LRRC4C: variants seen among roughly 807,000 people sequenced by gnomAD.
LRRC4C encodes leucine rich repeat containing 4C.
Under a neutral mutation model 33.6 loss-of-function variants are expected in LRRC4C, and 5 were observed. That is an observed-to-expected ratio of 0.15 (90% CI 0.08 to 0.31). LRRC4C has a LOEUF of 0.31. Ranked by LOEUF, LRRC4C falls within the 10% of genes least tolerant of loss-of-function variation. The pLI is 1.00. For missense variants in LRRC4C, 560 were observed against 796.7 expected (o/e 0.70, Z 3.58); for synonymous variants, 329 against 302.0 (o/e 1.09, Z -0.93).
chr11:40,760,798 TATACACAC>T (rs1302993665), intron 2 of LRRC4C, among the ~76,000 whole-genome samples: 3 of 142,588 alleles, frequency 2.1e-5, no homozygotes, highest in Non-Finnish European at 4.5e-5. Context: ...TATATATATA[TATACACAC>T]ACACACACAC....
intron 3 of LRRC4C, among the ~76,000 whole-genome samples, chr11:40,513,611 G>C (rs1170249427): frequency 6.6e-6 from 1 of 152,160 alleles, no homozygotes; most frequent in Non-Finnish European, 1.5e-5. Flanking sequence ...CCAGGGCAGG[G>C]TTGCATTTTG....
chr11:40,128,288 G>A (rs1442107224), intron 6 of LRRC4C, among the ~76,000 whole-genome samples: 1 of 152,166 alleles, frequency 6.6e-6, no homozygotes, highest in Non-Finnish European at 1.5e-5. Context: ...GTTGCACAAG[G>A]CAAAATTGTT....
chr11:40,682,571 T>C (rs1944745263), intron 2 of LRRC4C, among the ~76,000 whole-genome samples: 1 of 151,772 alleles, frequency 6.6e-6, no homozygotes, highest in South Asian at 2.1e-4. Context: ...AGATCAGGAG[T>C]TCGAGACCAG....
At chr11:40,287,525 C>A (rs895750154) in intron 4 of LRRC4C, among the ~76,000 whole-genome samples, 1 of 152,044 alleles carries the variant, frequency 6.6e-6, no homozygotes, top group African/African-American at 2.4e-5. Context: ...ATAACAAAAC[C>A]TTTGCATTCA....
At position 40,298,985 on chromosome 11, in the gene LRRC4C, A is replaced by T. The variant is rs571435194; in HGVS notation, c.-176+20643T>A. 2.0e-5 allele frequency among the ~76,000 whole-genome samples: 3 copies of T among 152,290 alleles called. No individual in the cohort carries two copies. The East Asian group carries it at 5.8e-4, about 29-fold the overall frequency. ...ACAATTTGGATTACAATTCAAGATG[A>T]GATTTGGGTGGGGATGCAGAGCCAG... is the stretch of plus-strand genomic sequence containing the variant. On this transcript the variant is annotated intron_variant, in intron 4 of 6. Transcript: ENST00000528697.
chr11:40,285,311 T>C (rs75621414), intron 4 of LRRC4C, among the ~76,000 whole-genome samples: 4,714 of 152,180 alleles, frequency 0.031, 84 homozygotes, highest in South Asian at 0.082. Context: ...GTGATATCAA[T>C]AAAGTGATCA....
At chr11:40,474,842 A>G (rs575809531) in intron 3 of LRRC4C, among the ~76,000 whole-genome samples, 2 of 152,276 alleles carry the variant, frequency 1.3e-5, no homozygotes, top group South Asian at 2.1e-4. Flanking sequence ...AAAGCTCATC[A>G]CTTGTCATTA....
At chr11:40,648,406 AT>A (rs1006996917) in intron 2 of LRRC4C, 128 bp from the exon 3 acceptor site, 2 of 152,156 alleles carry the variant, frequency 1.3e-5, no homozygotes, top group Non-Finnish European at 2.9e-5. Context: ...GACCATTTTT[AT>A]TTTTTGTATG....
chr11:40,583,872 T>C (rs898905199), intron 3 of LRRC4C, among the ~76,000 whole-genome samples: 1 of 151,628 alleles, frequency 6.6e-6, no homozygotes, highest in African/African-American at 2.4e-5. Flanking sequence ...ATAAAGAGAA[T>C]GAAATGCATA....
At chr11:40,442,680 T>A (rs1951450613) in intron 3 of LRRC4C, among the ~76,000 whole-genome samples, 1 of 152,168 alleles carries the variant, frequency 6.6e-6, no homozygotes, top group Admixed American at 6.5e-5. Flanking sequence ...GACCTGAAGG[T>A]AACTATGGAG....
intron 3 of LRRC4C, among the ~76,000 whole-genome samples, chr11:40,502,130 C>T (rs1954806423): frequency 6.6e-6 from 1 of 152,174 alleles, no homozygotes; most frequent in African/African-American, 2.4e-5. Flanking sequence ...AGTTCCTCAT[C>T]TCCATCTGAG....
intron 1 of LRRC4C, among the ~76,000 whole-genome samples, chr11:41,062,479 T>G (rs1453299748): frequency 6.6e-6 from 1 of 152,248 alleles, no homozygotes; most frequent in Non-Finnish European, 1.5e-5. Context: ...AGATGCACTC[T>G]TTCTTTGCTG....
At position 40,413,975 on chromosome 11, in the gene LRRC4C, A is replaced by T. The variant is rs148546946; in HGVS notation, c.-269-94254T>A. Among the ~76,000 whole-genome samples, 19 of 152,206 alleles carry T rather than the reference A, an allele frequency of 1.2e-4. No individual in the cohort carries two copies. In the East Asian group the frequency reaches 3.7e-3, roughly 29 times the overall value. The stretch of plus-strand genomic sequence containing the variant: ...ATTTTAATGTTATTTAAAGTCTAAG[A>T]ATTATGCACAATTTTCATCATTTTG... On this transcript the variant is annotated intron_variant, in intron 3 of 6. Transcript: ENST00000528697.
At chr11:41,229,834 C>T (rs1947703195) in intron 1 of LRRC4C, among the ~76,000 whole-genome samples, 1 of 151,976 alleles carries the variant, frequency 6.6e-6, no homozygotes, top group Admixed American at 6.6e-5. Flanking sequence ...ATGTTTTGTG[C>T]CTTTGATTAC....
At chr11:41,366,268 C>A (rs546709581) in intron 1 of LRRC4C, among the ~76,000 whole-genome samples, 2 of 151,860 alleles carry the variant, frequency 1.3e-5, no homozygotes, top group South Asian at 4.2e-4. Context: ...ATTTAGGCTA[C>A]CACATCAAAT....
intron 1 of LRRC4C, among the ~76,000 whole-genome samples, chr11:41,238,592 C>A (rs1302522915): frequency 6.6e-6 from 1 of 152,128 alleles, no homozygotes; most frequent in African/African-American, 2.4e-5. Context: ...AGGCACAGAT[C>A]CTCCTTTGCT....
At chr11:40,992,357 A>C (rs931344095) in intron 1 of LRRC4C, among the ~76,000 whole-genome samples, 1 of 151,986 alleles carries the variant, frequency 6.6e-6, no homozygotes, top group African/African-American at 2.4e-5. Context: ...CATTATTTTA[A>C]TATAAATTAA....
At chr11:40,664,448 G>A (rs1381861711) in intron 2 of LRRC4C, among the ~76,000 whole-genome samples, 1 of 152,016 alleles carries the variant, frequency 6.6e-6, no homozygotes, top group East Asian at 1.9e-4. Context: ...GGGAGGATGA[G>A]GCAGGAGAAT....
intron 1 of LRRC4C, among the ~76,000 whole-genome samples, chr11:40,964,597 A>T (rs1002861450): frequency 7.3e-6 from 1 of 136,732 alleles, no homozygotes; most frequent in African/African-American, 2.8e-5. Flanking sequence ...TTCAATTCCC[A>T]CTTATGAGTG....
Sources: gnomAD v4.1 joint callset for allele counts (sites outside exome capture counted in the v4.1 genomes callset) on GRCh38, gnomAD v4.1.1 for gene constraint, MANE v1.5 for transcripts, NCBI Gene and HGNC (gene_info 2026-07-23, HGNC 2026-07-21) for gene names.